The following DDC variants were observed in gnomAD, a reference collection of about 807,000 sequenced individuals.
The protein encoded by DDC is aromatic-L-amino-acid decarboxylase.
In DDC, 43 loss-of-function variants were observed where a neutral mutation model predicts 60.0. The observed-to-expected ratio is 0.72, with a 90% CI of 0.56 to 0.92. The LOEUF is 0.92. Ranked by LOEUF, DDC falls within the 40% of genes least tolerant of loss-of-function variation. The pLI, the probability that DDC is intolerant of heterozygous loss-of-function variation, is 0.00. For missense variants in DDC, 573 were observed against 620.2 expected, an observed-to-expected ratio of 0.92 and a Z score of 0.81; for synonymous variants, 232 against 234.6, an observed-to-expected ratio of 0.99 and a Z score of 0.10.
In DDC at chr7:50,544,123, G is replaced by T; in HGVS notation, c.-28-10C>A. On this transcript the variant is annotated splice_polypyrimidine_tract_variant and intron_variant, in intron 1 of 14. Coordinates refer to ENST00000444124, the MANE Select transcript of DDC (RefSeq NM_001082971.2). ...CTGTCAGAGGTGAAAACTGCAGAAA[G>T]AAAATGATTCAGTGAGCAAATTTTG... The T allele has an allele frequency of 1.2e-6, 2 of 1,604,536 alleles. No individual in the cohort carries two copies. Among genetic ancestry groups the T allele is most frequent in the Non-Finnish European group, 1.7e-6 (2 of 1,171,362 alleles).
At chr7:50,489,393 C>G (rs2042952253) in intron 9 of DDC, among the ~76,000 whole-genome samples, 1 of 152,172 alleles carries the variant, frequency 6.6e-6, no homozygotes, top group Non-Finnish European at 1.5e-5. Flanking sequence ...CTTCCTATGT[C>G]TAACTAATTA....
intron 6 of DDC, among the ~76,000 whole-genome samples, chr7:50,521,554 T>C (rs1304693): frequency 2.6e-5 from 4 of 151,990 alleles, no homozygotes; most frequent in Non-Finnish European, 5.9e-5. Flanking sequence ...GTAAAAAAAA[T>C]TATATATCAG....
intron 9 of DDC, among the ~76,000 whole-genome samples, chr7:50,494,036 GATCA>G (rs1172226434): frequency 2.6e-5 from 4 of 152,156 alleles, no homozygotes; most frequent in Non-Finnish European, 5.9e-5. Flanking sequence ...CTGGCCCTAT[GATCA>G]ATCAATCAAC....
At chr7:50,559,899 G>A (rs189690653) in intron 1 of DDC, among the ~76,000 whole-genome samples, 7 of 152,350 alleles carry the variant, frequency 4.6e-5, no homozygotes, top group Non-Finnish European at 8.8e-5. Flanking sequence ...CTTTGAATTT[G>A]TGGCAAGGGG....
chr7:50,542,339 A>G (rs1004306761), intron 2 of DDC: 2 of 152,174 alleles, frequency 1.3e-5, no homozygotes, highest in African/African-American at 4.8e-5. Flanking sequence ...TGGAGGGCCC[A>G]TGTGCCTTTG....
In DDC at chr7:50,540,012, C is replaced by A; in HGVS notation, c.218G>T (p.Ser73Ile). 1 of 1,613,678 alleles carries A rather than the reference C, an allele frequency of 6.2e-7. No homozygotes were observed. Among genetic ancestry groups the A allele is most frequent in the Non-Finnish European group, 8.5e-7 (1 of 1,179,748 alleles). ...IIMPGVTHWH[S>I]PYFFAYFPTA... Reference sequence around the variant, plus strand: ...GGGGAAGTAGGCGAAGAAGTAGGGGCTGTGCCAGTGCGTCACCTGCATGGG... The same window carrying A: ...GGGGAAGTAGGCGAAGAAGTAGGGGATGTGCCAGTGCGTCACCTGCATGGG... Residue 73 changes from serine to isoleucine, a missense_variant, in exon 3 of 15, where the codon AGC becomes ATC. Transcript: ENST00000444124.
At chr7:50,550,060 G>A (rs1171692345) in intron 1 of DDC, among the ~76,000 whole-genome samples, 1 of 152,196 alleles carries the variant, frequency 6.6e-6, no homozygotes, top group Non-Finnish European at 1.5e-5. Context: ...TCTACTGGGG[G>A]TAAAATGCTA....
intron 7 of DDC, among the ~76,000 whole-genome samples, chr7:50,500,387 C>T (rs1327066024): frequency 6.6e-6 from 1 of 152,196 alleles, no homozygotes; most frequent in African/African-American, 2.4e-5. Flanking sequence ...GTTAGAATTT[C>T]AGCAAATGGG....
intron 5 of DDC, among the ~76,000 whole-genome samples, chr7:50,528,545 A>G (rs903925065): frequency 5.9e-5 from 9 of 152,136 alleles, no homozygotes; most frequent in Non-Finnish European, 1.3e-4. Flanking sequence ...GTCAATATTT[A>G]TGAAGTTTTT....
At chr7:50,500,752 T>C (rs563406310) in intron 7 of DDC, among the ~76,000 whole-genome samples, 1 of 152,372 alleles carries the variant, frequency 6.6e-6, no homozygotes, top group East Asian at 1.9e-4. Context: ...TTAATCCAAC[T>C]GAGGGCTTTC....
chr7:50,519,309 T>C (rs2043823930), intron 6 of DDC, among the ~76,000 whole-genome samples: 1 of 152,206 alleles, frequency 6.6e-6, no homozygotes, highest in Admixed American at 6.5e-5. Flanking sequence ...TAAACTAGTA[T>C]AGCCACTATG....
intron 1 of DDC, among the ~76,000 whole-genome samples, chr7:50,564,630 G>A (rs1465540584): frequency 2.0e-5 from 3 of 152,172 alleles, no homozygotes; most frequent in Non-Finnish European, 4.4e-5. Flanking sequence ...TCGACTCCTT[G>A]AAGTCGATAA....
At chr7:50,467,744 C>T (rs1585136992) in intron 12 of DDC, among the ~76,000 whole-genome samples, 1 of 152,308 alleles carries the variant, frequency 6.6e-6, no homozygotes, top group South Asian at 2.1e-4. Flanking sequence ...ATGATTATCC[C>T]CATTTTGGAG....
At chr7:50,507,765 C>T (rs1177978272) in intron 6 of DDC, among the ~76,000 whole-genome samples, 1 of 152,162 alleles carries the variant, frequency 6.6e-6, no homozygotes, top group Non-Finnish European at 1.5e-5. Context: ...CGGCCTTGTC[C>T]TGGCAGTGGC....
At chr7:50,548,816 A>G (rs952170163) in intron 1 of DDC, among the ~76,000 whole-genome samples, 1 of 152,260 alleles carries the variant, frequency 6.6e-6, no homozygotes, top group Non-Finnish European at 1.5e-5. Flanking sequence ...GAAGCCCTCT[A>G]GGGCTTTCAT....
At position 50,503,185 on chromosome 7, in the gene DDC, G is replaced by T. The variant is rs529238352; in HGVS notation, c.781+808C>A. ...GGCACAGGCCACAGGTATGTGATCT[G>T]AAGGCCCCACTTGGGCAGCTCCACT... On this transcript the variant is annotated intron_variant, in intron 7 of 14. Coordinates refer to ENST00000444124, the MANE Select transcript of DDC (RefSeq NM_001082971.2). Among the ~76,000 whole-genome samples, 4 of 152,356 alleles carry T rather than the reference G, an allele frequency of 2.6e-5. No homozygotes were observed. The South Asian group carries it at 8.3e-4, about 32-fold the overall frequency.
chr7:50,564,795 ACACC>A lies in DDC; in HGVS notation c.-29+486_-29+489del, dbSNP rs544735566. On this transcript the variant is annotated intron_variant, in intron 1 of 14. Transcript: ENST00000444124. ...TTGACCTCTAAGTAAACTATAACAT[ACACC>A]AAAAGGAGAGAGCCCTGACGGAGCC... 1.2e-4 allele frequency among the ~76,000 whole-genome samples: 19 copies of A among 152,332 alleles called. No individual in the cohort carries two copies. The East Asian group carries it at 3.7e-3, about 29-fold the overall frequency.
In DDC at chr7:50,480,862, G is replaced by C. The variant is rs536965121; in HGVS notation, c.945-999C>G. ...TGCAGACAGGGGTCCTCTTTCACCTGTCTGCACACAGAGCACTCACACTGG... is the reference window on the plus strand; with the variant it reads ...TGCAGACAGGGGTCCTCTTTCACCTCTCTGCACACAGAGCACTCACACTGG... On this transcript the variant is annotated intron_variant, in intron 9 of 14. Transcript: ENST00000444124. 8.9e-4 allele frequency among the ~76,000 whole-genome samples: 136 copies of C among 152,290 alleles called. 1 individual carries two copies. The highest frequency in any genetic ancestry group is 1.7e-3 in the Non-Finnish European group (113 of 68,022).
intron 6 of DDC, among the ~76,000 whole-genome samples, chr7:50,525,782 A>G (rs2153544981): frequency 6.6e-6 from 1 of 152,234 alleles, no homozygotes; most frequent in South Asian, 2.1e-4. Flanking sequence ...AAAATAAAAT[A>G]AAATAAGTTA....
Sources: allele counts gnomAD v4.1 joint callset (sites outside exome capture counted in the v4.1 genomes callset), GRCh38; gene constraint gnomAD v4.1.1; transcripts MANE v1.5; gene names NCBI Gene and HGNC (gene_info 2026-07-23, HGNC 2026-07-21).